The following CCDC88C variants were observed in gnomAD, a reference collection of about 807,000 sequenced individuals.
CCDC88C encodes protein Daple.
A neutral mutation model predicts 198.8 loss-of-function variants in CCDC88C; 131 were observed. That is an observed-to-expected ratio of 0.66 (90% CI 0.57 to 0.76). The LOEUF is 0.76. Among genes scored for constraint, CCDC88C ranks in the 30% least tolerant of loss-of-function variants. The pLI, the probability that CCDC88C is intolerant of heterozygous loss-of-function variation, is 0.00. For missense variants in CCDC88C, 2,553 were observed against 2,631.6 expected (o/e 0.97, Z 0.65); for synonymous variants, 1,166 against 1,114.7 (o/e 1.05, Z -0.92).
chr14:91,383,566 A>G (rs1884942990), intron 3 of CCDC88C, among the ~76,000 whole-genome samples: 1 of 151,998 alleles, frequency 6.6e-6, no homozygotes, highest in Non-Finnish European at 1.5e-5. Context: ...AAACTGTCTC[A>G]TCCTTGCTGG....
chr14:91,329,857 A>G (rs889055337), intron 10 of CCDC88C, among the ~76,000 whole-genome samples: 5 of 152,210 alleles, frequency 3.3e-5, no homozygotes, highest in African/African-American at 1.2e-4. Context: ...GAAAGACCCG[A>G]CTGTGCACCT....
At chr14:91,306,920 A>C in intron 18 of CCDC88C, 118 bp downstream of exon 18, 2 of 1,126,674 alleles carry the variant, frequency 1.8e-6, no homozygotes, top group East Asian at 2.6e-5. Context: ...GTGTCCAACT[A>C]GATCTGGCTA....
Position 91,279,300 on chromosome 14 carries a change from C to T in CCDC88C, c.4706G>A (p.Arg1569Gln), listed in dbSNP as rs912810554. 6.3e-6 allele frequency: 10 copies of T among 1,599,384 alleles called. No homozygotes were observed. The highest frequency in any genetic ancestry group is 5.4e-5 in the African/African-American group (4 of 74,726). ...EVPNHRQYVSRPSSLESSRNT... is the reference protein window; with the variant it reads ...EVPNHRQYVSQPSSLESSRNT... ...TCTACTGCTCTCTAAGCTACTTGGC[C>T]GCGACACTGAAAGGAAATGGCAGTG... The change falls in exon 28 of 30, where the codon CGG becomes CAG. Residue 1569 changes from arginine (R) to glutamine (Q), a missense_variant. By Grantham distance (43) the Arg-to-Gln change is conservative (BLOSUM62 1). Around this residue, in one of 2 missense-constraint regions of CCDC88C, gnomAD observed 1,293 missense variants for 1,219.6 expected, o/e 1.06. Transcript: ENST00000389857.
intron 23 of CCDC88C, among the ~76,000 whole-genome samples, chr14:91,292,246 A>C (rs1890691236): frequency 6.6e-6 from 1 of 152,104 alleles, no homozygotes; most frequent in Non-Finnish European, 1.5e-5. Context: ...TTAAGCCTTG[A>C]GTGCTTCATG....
At chr14:91,415,716 G>A (rs1465475998) in intron 2 of CCDC88C, among the ~76,000 whole-genome samples, 14 of 147,784 alleles carry the variant, frequency 9.5e-5, no homozygotes, top group Non-Finnish European at 1.8e-4. Context: ...GCGAAACTCC[G>A]TCTCCAAAAA....
intron 12 of CCDC88C, among the ~76,000 whole-genome samples, chr14:91,321,722 C>T (rs757280792): frequency 3.3e-5 from 5 of 152,122 alleles, no homozygotes; most frequent in Admixed American, 6.5e-5. Context: ...GGCAGGGGCA[C>T]GTAACTGACC....
At chr14:91,349,385 C>T (rs1051613024) in intron 4 of CCDC88C, among the ~76,000 whole-genome samples, 6 of 152,148 alleles carry the variant, frequency 3.9e-5, no homozygotes, top group Admixed American at 1.3e-4. Flanking sequence ...ACAGCACATG[C>T]GAAGGCCAAG....
chr14:91,408,873 G>A (rs1436595955), intron 2 of CCDC88C, 106 bp from the exon 3 acceptor site: 1 of 725,052 alleles, frequency 1.4e-6, no homozygotes, highest in African/African-American at 1.7e-5. Context: ...AGGTGACCAT[G>A]AGGCTGTGCT....
At chr14:91,302,042 G>A (rs1596043950) in intron 20 of CCDC88C, among the ~76,000 whole-genome samples, 1 of 152,204 alleles carries the variant, frequency 6.6e-6, no homozygotes, top group East Asian at 1.9e-4. Context: ...CCTGAAGGAT[G>A]GAGATCTGGA....
At chr14:91,301,826 T>C (rs1891302590) in intron 20 of CCDC88C, among the ~76,000 whole-genome samples, 1 of 152,234 alleles carries the variant, frequency 6.6e-6, no homozygotes, top group South Asian at 2.1e-4. Context: ...ATCATGCTAG[T>C]ATCAGACTTA....
chr14:91,274,598 C>T (rs1417462235), intron 29 of CCDC88C, among the ~76,000 whole-genome samples: 3 of 152,218 alleles, frequency 2.0e-5, no homozygotes, highest in Non-Finnish European at 4.4e-5. Context: ...CCCACACAAA[C>T]ATCTGGACAT....
chr14:91,332,848 T>G (rs915601960), intron 10 of CCDC88C, among the ~76,000 whole-genome samples: 1 of 152,062 alleles, frequency 6.6e-6, no homozygotes, highest in Admixed American at 6.6e-5. Flanking sequence ...TGTGCCAGGC[T>G]CTGTGTACAA....
In CCDC88C at chr14:91,288,959, C is replaced by T; in HGVS notation, c.4441+146G>A. On this transcript the variant is annotated intron_variant, in intron 25 of 29. Coordinates refer to ENST00000389857, the MANE Select transcript of CCDC88C (RefSeq NM_001080414.4). This position sits in a 1 kb window ranked among gnomAD's most constrained non-coding sequence, Gnocchi z 4.2. ...AAACGGTCGCCACGCTGAATTTCTACTTGGCTCGTAACACATCTAAGCGAA... is the reference window on the plus strand; with the variant it reads ...AAACGGTCGCCACGCTGAATTTCTATTTGGCTCGTAACACATCTAAGCGAA... 1.6e-6 allele frequency: 1 copy of T among 623,708 alleles called. No homozygotes were observed. The highest frequency in any genetic ancestry group is 2.8e-6 in the Non-Finnish European group (1 of 353,244). The allele number at this position is 623,708 out of a possible 1,614,324, so 38.6% of individuals were successfully genotyped here. A position where few individuals can be genotyped will look rare whatever the true frequency, so the allele number is the denominator to read the frequency against.
intron 3 of CCDC88C, among the ~76,000 whole-genome samples, chr14:91,362,368 T>A (rs1375287622): frequency 6.6e-6 from 1 of 152,172 alleles, no homozygotes; most frequent in Admixed American, 6.5e-5. Context: ...TTGTCCAAGC[T>A]CAGCCCTGTA....
chr14:91,387,528 G>C (rs901060819), intron 3 of CCDC88C, among the ~76,000 whole-genome samples: 1 of 152,216 alleles, frequency 6.6e-6, no homozygotes. Context: ...GTTGCCCCCA[G>C]ATTTCCAAAG....
At position 91,313,944 on chromosome 14, in the gene CCDC88C, C is replaced by T; in HGVS notation, c.1872G>A (p.Lys624=). 6.2e-7 allele frequency: 1 copy of T among 1,613,544 alleles called. No individual in the cohort carries two copies. The highest frequency in any genetic ancestry group is 1.1e-5 in the South Asian group (1 of 91,070). ...GCTTCTCTGCCCGCTCCCCCTTCTCCTTGGCCTGCTCCAAGTCCCTGTGCA... is the reference window on the plus strand; with the variant it reads ...GCTTCTCTGCCCGCTCCCCCTTCTCTTTGGCCTGCTCCAAGTCCCTGTGCA... ...RQLHRDLEQA[K]EKGERAEKLE... The change falls in exon 15 of 30, where the codon AAG becomes AAA. Residue 624 remains lysine, a synonymous_variant. Transcript: ENST00000389857. This position sits in a 1 kb window ranked among gnomAD's most constrained non-coding sequence, Gnocchi z 5.2.
In CCDC88C at chr14:91,288,391, GAT is replaced by G. The variant is rs1890510617; in HGVS notation, c.4441+712_4441+713del. Among the ~76,000 whole-genome samples the G allele has an allele frequency of 6.6e-6, 1 of 152,180 alleles. No individual in the cohort carries two copies. The highest frequency in any genetic ancestry group is 6.5e-5 in the Admixed American group (1 of 15,276). On this transcript the variant is annotated intron_variant, in intron 25 of 29. Transcript: ENST00000389857. This position sits in a 1 kb window ranked among gnomAD's most constrained non-coding sequence, Gnocchi z 4.2. ...TAACCCACCTTTCAAAGTGGTAACA[GAT>G]AAACCACCCAAGGCTTTCGGGAGGT... is the stretch of plus-strand genomic sequence containing the variant.
At chr14:91,356,075 C>T (rs1316104156) in intron 4 of CCDC88C, among the ~76,000 whole-genome samples, 4 of 152,104 alleles carry the variant, frequency 2.6e-5, no homozygotes, top group African/African-American at 9.7e-5. Context: ...GGCAACCATA[C>T]AAATTAAAAA....
intron 3 of CCDC88C, among the ~76,000 whole-genome samples, chr14:91,391,897 C>T (rs899128442): frequency 5.9e-5 from 9 of 152,068 alleles, no homozygotes; most frequent in African/African-American, 1.7e-4. Context: ...GCTGAAAGTC[C>T]GCTTTCCAGC....
Sources: gnomAD v4.1 joint callset for allele counts (sites outside exome capture counted in the v4.1 genomes callset) on GRCh38, gnomAD v4.1.1 for gene constraint, gnomAD v4.1.1 regional missense constraint, Gnocchi (gnomAD v3.1) non-coding constraint, MANE v1.5 for transcripts, NCBI Gene and HGNC (gene_info 2026-07-23, HGNC 2026-07-21) for gene names.